CAST: variants seen among roughly 807,000 people sequenced by gnomAD.
CAST encodes the protein calpastatin.
A neutral mutation model predicts 119.6 loss-of-function variants in CAST; 76 were observed. That is an observed-to-expected ratio of 0.64 (90% CI 0.53 to 0.77). The LOEUF is 0.77. Among genes scored for constraint, CAST ranks in the 30% least tolerant of loss-of-function variants. CAST has a pLI of 0.00. For missense variants in CAST, 953 were observed against 946.5 expected (o/e 1.01, Z -0.09); for synonymous variants, 319 against 331.6 (o/e 0.96, Z 0.41).
the CAST span, among the ~76,000 whole-genome samples, chr5:96,431,894 C>T: frequency 6.6e-6 from 1 of 152,006 alleles, no homozygotes; most frequent in South Asian, 2.1e-4. Context: ...GGCTTGATTC[C>T]GAGCCAAGGA....
intron 1 of CAST, among the ~76,000 whole-genome samples, chr5:96,670,291 G>T (rs911136866): frequency 1.3e-5 from 2 of 151,648 alleles, no homozygotes; most frequent in African/African-American, 4.8e-5. Flanking sequence ...TAGTCACAGG[G>T]TGGTCACAAC....
chr5:96,762,728 C>T (rs1768433668), intron 25 of CAST: 3 of 252,856 alleles, frequency 1.2e-5, no homozygotes, highest in Non-Finnish European at 2.3e-5. Flanking sequence ...TATATTTTTT[C>T]TTATACATTC....
At chr5:96,642,440 G>A (rs1747961767) in intron 1 of CAST, among the ~76,000 whole-genome samples, 1 of 152,164 alleles carries the variant, frequency 6.6e-6, no homozygotes, top group South Asian at 2.1e-4. Flanking sequence ...TACTGAACAG[G>A]GCCAGGAGGT....
the CAST span, among the ~76,000 whole-genome samples, chr5:96,316,411 C>A: frequency 1.2e-4 from 18 of 152,230 alleles, no homozygotes; most frequent in African/African-American, 4.1e-4. Flanking sequence ...TTCTGTAGCC[C>A]AGCTGAGAAA....
chr5:96,695,876 C>G lies in CAST; in HGVS notation c.179C>G (p.Thr60Ser). Residue 60 changes from threonine (T) to serine (S), a missense_variant, in exon 3 of 32, where the codon ACC (threonine) becomes AGC (serine). Thr to Ser is a moderately conservative substitution (Grantham distance 58, BLOSUM62 1). Transcript: ENST00000675179. ...ASLGSSQSSR[T>S]YAGGTASATK... Reference sequence around the variant, plus strand: ...CTCGGCAGCAGTCAATCCTCCAGAACCTATGCTGGTGGAACAGCCTCGGCC... The same window carrying G: ...CTCGGCAGCAGTCAATCCTCCAGAAGCTATGCTGGTGGAACAGCCTCGGCC... 5 of 1,613,208 alleles carry G rather than the reference C, an allele frequency of 3.1e-6. No individual in the cohort carries two copies. Among genetic ancestry groups the G allele is most frequent in the Non-Finnish European group, 4.2e-6 (5 of 1,179,418 alleles).
chr5:96,527,417 A>G (rs1745613070), upstream of CAST, among the ~76,000 whole-genome samples: 1 of 152,182 alleles, frequency 6.6e-6, no homozygotes, highest in Non-Finnish European at 1.5e-5. Flanking sequence ...TGGAGTCCCA[A>G]GATTTTTTTT....
chr5:96,259,849 A>G, the CAST span, among the ~76,000 whole-genome samples: 1 of 149,560 alleles, frequency 6.7e-6, no homozygotes, highest in African/African-American at 2.5e-5. Context: ...AGCGATGAAG[A>G]CCCACTCCAC....
the CAST span, among the ~76,000 whole-genome samples, chr5:96,236,603 A>G: frequency 6.6e-6 from 1 of 152,212 alleles, no homozygotes; most frequent in South Asian, 2.1e-4. Flanking sequence ...TATACAAATC[A>G]TTCTCCAAAT....
the CAST span, among the ~76,000 whole-genome samples, chr5:96,461,842 A>C: frequency 6.6e-6 from 1 of 152,154 alleles, no homozygotes. Flanking sequence ...CTAAGTGCTG[A>C]TGTACATCAA....
At chr5:96,506,886 C>T in the CAST span, among the ~76,000 whole-genome samples, 1 of 152,156 alleles carries the variant, frequency 6.6e-6, no homozygotes, top group East Asian at 1.9e-4. Context: ...GGGAGGGCAG[C>T]TTCCATATGA....
the CAST span, among the ~76,000 whole-genome samples, chr5:96,011,409 A>G: frequency 2.0e-5 from 3 of 152,234 alleles, no homozygotes; most frequent in East Asian, 3.8e-4. Flanking sequence ...GTAAAGTCCT[A>G]TACTTTGTGA....
the CAST span, among the ~76,000 whole-genome samples, chr5:96,054,293 G>T: frequency 1.3e-5 from 2 of 151,998 alleles, no homozygotes; most frequent in Non-Finnish European, 2.9e-5. Flanking sequence ...CCAGACTGGA[G>T]TGCAGTGGCT....
the CAST span, among the ~76,000 whole-genome samples, chr5:96,102,403 G>A: frequency 6.6e-6 from 1 of 152,150 alleles, no homozygotes; most frequent in African/African-American, 2.4e-5. Flanking sequence ...GTCACCTCCA[G>A]TCGAGCCAGT....
intron 1 of CAST, among the ~76,000 whole-genome samples, chr5:96,625,121 G>T (rs991998881): frequency 6.6e-6 from 1 of 152,160 alleles, no homozygotes; most frequent in African/African-American, 2.4e-5. Flanking sequence ...TCTGTGAGCA[G>T]CAATAAAGAG....
chr5:96,416,175 T>G, the CAST span: 1 of 1,245,226 alleles, frequency 8.0e-7, no homozygotes. Flanking sequence ...AACATTTGTT[T>G]TGCATATGAA....
At chr5:96,272,702 T>C in the CAST span, among the ~76,000 whole-genome samples, 6 of 152,286 alleles carry the variant, frequency 3.9e-5, no homozygotes, top group African/African-American at 1.4e-4. Flanking sequence ...AGGGTGACTA[T>C]AGTTTATAAT....
At chr5:96,277,443 T>C in the CAST span, among the ~76,000 whole-genome samples, 2 of 152,196 alleles carry the variant, frequency 1.3e-5, no homozygotes, top group African/African-American at 4.8e-5. Context: ...AGTTTGCCTA[T>C]CTTTTATATG....
the CAST span, among the ~76,000 whole-genome samples, chr5:96,174,199 G>C: frequency 6.6e-6 from 1 of 152,236 alleles, no homozygotes; most frequent in Middle Eastern, 3.4e-3. Context: ...AGATTCCCAG[G>C]AGCCTCTTTG....
rs371823208 is a variant in CAST at position 96,750,619 on chromosome 5, G to A, written c.1461G>A (p.Ser487=). The A allele has an allele frequency of 9.9e-6, 16 of 1,612,918 alleles. No individual in the cohort carries two copies. Among genetic ancestry groups the A allele is most frequent in the Middle Eastern group, 3.3e-4 (2 of 6,062 alleles). Residue 487 remains serine, a synonymous_variant, in exon 20 of 32, where the codon TCG becomes TCA. Coordinates refer to ENST00000675179, the MANE Select transcript of CAST (RefSeq NM_001750.7). Reference sequence around the variant, plus strand: ...AGGCCGCTGCTCCAGCTCCTGTGTCGGAGGCTGTGTGTCGGACCTCCATGT... The same window carrying A: ...AGGCCGCTGCTCCAGCTCCTGTGTCAGAGGCTGTGTGTCGGACCTCCATGT... The part of the protein sequence containing the change: ...ESKAAAPAPV[S]EAVCRTSMCS...
Sources: allele counts gnomAD v4.1 joint callset (sites outside exome capture counted in the v4.1 genomes callset), GRCh38; gene constraint gnomAD v4.1.1; transcripts MANE v1.5; gene names NCBI Gene and HGNC (gene_info 2026-07-23, HGNC 2026-07-21).